Variants in UNC5D observed in about 807,000 individuals in gnomAD.
UNC5D encodes netrin receptor UNC5D.
Under a neutral mutation model 105.4 loss-of-function variants are expected in UNC5D, and 39 were observed. The observed-to-expected ratio is 0.37, with a 90% confidence interval of 0.29 to 0.48. UNC5D has a LOEUF of 0.48. Among genes scored for constraint, UNC5D ranks in the 20% least tolerant of loss-of-function variants. UNC5D has a pLI of 0.98. For missense variants in UNC5D, 991 were observed against 1,202.4 expected, an observed-to-expected ratio of 0.82 and a Z score of 2.60; for synonymous variants, 452 against 450.4, an observed-to-expected ratio of 1.00 and a Z score of -0.04.
chr8:35,678,898 T>C (rs1825464891), intron 4 of UNC5D, among the ~76,000 whole-genome samples: 1 of 152,146 alleles, frequency 6.6e-6, no homozygotes, highest in African/African-American at 2.4e-5. Flanking sequence ...CCCTTAATAT[T>C]TTCTTTTGGT....
In UNC5D at chr8:35,790,567, A is replaced by G; in HGVS notation, c.*4A>G. 1 of 1,613,580 alleles carries G rather than the reference A, an allele frequency of 6.2e-7. No homozygotes were observed. The highest frequency in any genetic ancestry group is 2.2e-5 in the East Asian group (1 of 44,830). ...CAGCAGGCAAAATGGACTCTAGTCC[A>G]CTTCCTCCCATGAGACAGAGTGATG... On this transcript the variant is annotated 3_prime_UTR_variant, in exon 17 of 17. Coordinates refer to ENST00000404895, the MANE Select transcript of UNC5D (RefSeq NM_080872.4).
intron 7 of UNC5D, among the ~76,000 whole-genome samples, chr8:35,693,372 T>C (rs1826536915): frequency 6.6e-6 from 1 of 152,180 alleles, no homozygotes; most frequent in Non-Finnish European, 1.5e-5. Context: ...TTTCTATTTT[T>C]ATGCCTTGTT....
Position 35,748,643 on chromosome 8 carries a change from C to T in UNC5D, c.1883C>T (p.Ser628Phe). Residue 628 changes from serine to phenylalanine, a missense_variant, in exon 12 of 17, where the codon TCT becomes TTT. Physicochemically the swap from Ser to Phe is radical, Grantham distance 155. Around this residue, in one of 3 missense-constraint regions of UNC5D, gnomAD observed 944 missense variants for 1,131.6 expected, o/e 0.83. Coordinates refer to ENST00000404895, the MANE Select transcript of UNC5D (RefSeq NM_080872.4). ...ATCCCGCACTGTGCAGATGTCAGTT[C>T]TGAGCATTGGAATATCCATTTAAAG... The part of the protein sequence containing the change: ...LTIPHCADVS[S>F]EHWNIHLKKR... 6.2e-7 allele frequency: 1 copy of T among 1,614,068 alleles called. No homozygotes were observed. Among genetic ancestry groups the T allele is most frequent in the Non-Finnish European group, 8.5e-7 (1 of 1,179,930 alleles).
chr8:35,590,072 G>A (rs1360296996), intron 3 of UNC5D, among the ~76,000 whole-genome samples: 1 of 151,982 alleles, frequency 6.6e-6, no homozygotes, highest in Non-Finnish European at 1.5e-5. Flanking sequence ...TTAGTGATTT[G>A]GTCCTTTTAG....
At chr8:35,606,991 C>T (rs942841394) in intron 4 of UNC5D, among the ~76,000 whole-genome samples, 3 of 152,192 alleles carry the variant, frequency 2.0e-5, no homozygotes, top group African/African-American at 7.2e-5. Context: ...TTGGAAGCAG[C>T]TCTTTACACA....
At position 35,290,724 on chromosome 8, in the gene UNC5D, G is replaced by A. The variant is rs571108232; in HGVS notation, c.103+54837G>A. 1.3e-4 allele frequency among the ~76,000 whole-genome samples: 20 copies of A among 152,144 alleles called. No individual in the cohort carries two copies. The East Asian group carries it at 3.1e-3, about 24-fold the overall frequency. The stretch of plus-strand genomic sequence containing the variant: ...AGCATTTTGGGAGGCCAAGGCGGGC[G>A]GATCACCTGAGGTCAGGAGTTGGAT... On this transcript the variant is annotated intron_variant, in intron 1 of 16. Coordinates refer to ENST00000404895, the MANE Select transcript of UNC5D (RefSeq NM_080872.4).
chr8:35,515,772 C>A (rs1044806102), intron 1 of UNC5D, among the ~76,000 whole-genome samples: 89 of 152,168 alleles, frequency 5.8e-4, no homozygotes, highest in Middle Eastern at 3.4e-3. Flanking sequence ...ACTATTTTTT[C>A]CTTGTTTCTC....
At chr8:35,511,200 C>A (rs1377150513) in intron 1 of UNC5D, among the ~76,000 whole-genome samples, 1 of 152,032 alleles carries the variant, frequency 6.6e-6, no homozygotes, top group African/African-American at 2.4e-5. Flanking sequence ...CCTGAGATGC[C>A]AAGAAAATAC....
Position 35,517,152 on chromosome 8 carries a change from T to G in UNC5D, c.104-32140T>G, listed in dbSNP as rs557196821. Among the ~76,000 whole-genome samples the G allele has an allele frequency of 1.6e-3, 244 of 152,278 alleles. 1 individual carries two copies. The highest frequency in any genetic ancestry group is 3.4e-3 in the Middle Eastern group (1 of 294). ...CTTTCATCCTTTCCAAGATCCTCCC[T>G]TTAGGCCTCCCCTCCCCAAAGCCAC... On this transcript the variant is annotated intron_variant, in intron 1 of 16. Transcript: ENST00000404895.
chr8:35,763,108 A>G (rs553682127), intron 14 of UNC5D, among the ~76,000 whole-genome samples: 99 of 152,298 alleles, frequency 6.5e-4, no homozygotes, highest in African/African-American at 2.3e-3. Context: ...CTGAAAACAC[A>G]CTAATCACGG....
intron 1 of UNC5D, among the ~76,000 whole-genome samples, chr8:35,340,003 G>T (rs1166692310): frequency 1.3e-5 from 2 of 152,090 alleles, no homozygotes; most frequent in African/African-American, 4.8e-5. Context: ...CTTTAATTCA[G>T]AGCTAGTTTT....
At chr8:35,529,976 T>C (rs1441873475) in intron 1 of UNC5D, among the ~76,000 whole-genome samples, 3 of 151,178 alleles carry the variant, frequency 2.0e-5, no homozygotes, top group Admixed American at 6.6e-5. Context: ...ATATATACAA[T>C]CATGTCATCT....
intron 4 of UNC5D, among the ~76,000 whole-genome samples, chr8:35,631,689 C>T (rs17353995): frequency 0.52 from 79,020 of 152,018 alleles, 24,281 homozygotes; most frequent in Non-Finnish European, 0.66. Context: ...GACAGCTCTT[C>T]TGCAATACAT....
intron 1 of UNC5D, among the ~76,000 whole-genome samples, chr8:35,401,647 T>C (rs567214669): frequency 6.6e-6 from 1 of 152,276 alleles, no homozygotes; most frequent in East Asian, 1.9e-4. Context: ...GTTTCAACCT[T>C]ATTCCTCTCT....
At chr8:35,618,079 G>T (rs1001881606) in intron 4 of UNC5D, among the ~76,000 whole-genome samples, 2 of 152,180 alleles carry the variant, frequency 1.3e-5, no homozygotes, top group Non-Finnish European at 2.9e-5. Context: ...TGGCTCAACA[G>T]CATCATTTGG....
chr8:35,687,239 C>T (rs941087860), intron 7 of UNC5D, among the ~76,000 whole-genome samples: 7 of 152,148 alleles, frequency 4.6e-5, no homozygotes, highest in Admixed American at 1.3e-4. Context: ...GTCAGGAGAT[C>T]GAGACCATCC....
At chr8:35,319,479 A>G (rs1219423663) in intron 1 of UNC5D, among the ~76,000 whole-genome samples, 1 of 152,106 alleles carries the variant, frequency 6.6e-6, no homozygotes, top group East Asian at 1.9e-4. Context: ...CCTTAATAAG[A>G]TGGTCTCTTT....
At chr8:35,627,312 T>G (rs1821748882) in intron 4 of UNC5D, among the ~76,000 whole-genome samples, 2 of 152,356 alleles carry the variant, frequency 1.3e-5, no homozygotes, top group Middle Eastern at 3.4e-3. Flanking sequence ...ATCATCTGGC[T>G]TAATTAATCT....
intron 1 of UNC5D, among the ~76,000 whole-genome samples, chr8:35,537,527 A>T (rs1274926423): frequency 1.3e-5 from 2 of 152,110 alleles, no homozygotes; most frequent in South Asian, 2.1e-4. Flanking sequence ...AAAAAGTGAA[A>T]ATAATTATCT....
Sources: gnomAD v4.1 joint callset for allele counts (sites outside exome capture counted in the v4.1 genomes callset) on GRCh38, gnomAD v4.1.1 for gene constraint, gnomAD v4.1.1 regional missense constraint, MANE v1.5 for transcripts, NCBI Gene and HGNC (gene_info 2026-07-23, HGNC 2026-07-21) for gene names.